Variants in DCTN4 observed in about 807,000 individuals in gnomAD.
DCTN4 encodes dynactin 4 (p62).
A neutral mutation model predicts 62.7 loss-of-function variants in DCTN4; 23 were observed. The ratio of observed to expected loss-of-function variants is 0.37; its 90% CI spans 0.26 to 0.52. DCTN4 has a LOEUF of 0.52. DCTN4 is among the 20% of genes least tolerant of loss of function. The probability of loss-of-function intolerance (pLI) is 0.92; values close to 1 mark genes in which losing one functional copy is unlikely to be tolerated. For synonymous variants in DCTN4, 199 were observed against 202.1 expected (o/e 0.98, Z 0.13); for missense variants, 514 against 580.4 (o/e 0.89, Z 1.18).
Position 150,758,625 on chromosome 5 carries a change from T to C in DCTN4, c.135+234A>G, listed in dbSNP as rs1046659807. On this transcript the variant is annotated intron_variant, in intron 1 of 12. Coordinates refer to ENST00000447998, the MANE Select transcript of DCTN4 (RefSeq NM_016221.4). Reference sequence around the variant, plus strand: ...GACAGACACGGTCCCTAAGTCAAGTTTGTCCAATCAGAGGCCGCTCTAGAA... The same window carrying C: ...GACAGACACGGTCCCTAAGTCAAGTCTGTCCAATCAGAGGCCGCTCTAGAA... 6 of 1,263,410 alleles carry C rather than the reference T, an allele frequency of 4.7e-6. No individual in the cohort carries two copies. The African/African-American group carries it at 6.1e-5, about 13-fold the overall frequency. The allele number at this position is 1,263,410 out of a possible 1,614,324, so 78.3% of individuals were successfully genotyped here. A position where few individuals can be genotyped will look rare whatever the true frequency, so the allele number is the denominator to read the frequency against.
chr5:150,754,380 C>A (rs955592359), intron 2 of DCTN4, among the ~76,000 whole-genome samples: 4 of 152,160 alleles, frequency 2.6e-5, no homozygotes, highest in Non-Finnish European at 5.9e-5. Context: ...ACTCACCTTA[C>A]AAGGAAGCTT....
chr5:150,744,459 A>G (rs200179905), intron 3 of DCTN4, among the ~76,000 whole-genome samples: 4 of 152,038 alleles, frequency 2.6e-5, no homozygotes, highest in Admixed American at 6.6e-5. Flanking sequence ...GATACTCCTC[A>G]AGAAGAGCAA....
rs138887048 is a variant in DCTN4, at chr5:150,711,234, C to T, written c.1298G>A (p.Arg433His). ...HDFKNLAAPI[R>H]PIEESDQGTE... Reference sequence around the variant, plus strand: ...TCCCTGGTCACTTTCTTCAATGGGGCGAATGGGGGCTGCCAGGTTTTTAAA... The same window carrying T: ...TCCCTGGTCACTTTCTTCAATGGGGTGAATGGGGGCTGCCAGGTTTTTAAA... The change falls in exon 13 of 13, where the codon CGC (arginine) becomes CAC (histidine). Residue 433 changes from arginine (R) to histidine (H), a missense_variant. By Grantham distance (29) the Arg-to-His change is conservative. Transcript: ENST00000447998. The T allele has an allele frequency of 2.9e-5, 46 of 1,612,802 alleles. No homozygotes were observed. In the African/African-American group the frequency reaches 3.7e-4, roughly 13 times the overall value.
Position 150,756,402 on chromosome 5 carries a change from C to A in DCTN4, c.206+15G>T. The stretch of plus-strand genomic sequence containing the variant: ...AGGAAAATAGGAAGAAAAAAAAAAT[C>A]AGTCCAGGTCTTACCTATTCTTTTT... On this transcript the variant is annotated intron_variant, in intron 2 of 12. Coordinates refer to ENST00000447998, the MANE Select transcript of DCTN4 (RefSeq NM_016221.4). 1 of 1,540,758 alleles carries A rather than the reference C, an allele frequency of 6.5e-7. No homozygotes were observed. Among genetic ancestry groups the A allele is most frequent in the South Asian group, 1.3e-5 (1 of 79,190 alleles).
intron 3 of DCTN4, among the ~76,000 whole-genome samples, chr5:150,750,095 T>TG (rs1752621293): frequency 6.6e-6 from 1 of 152,046 alleles, no homozygotes; most frequent in Non-Finnish European, 1.5e-5. Context: ...CTGACTGCAA[T>TG]GGGGCATGAG....
intron 3 of DCTN4, among the ~76,000 whole-genome samples, chr5:150,745,775 G>C (rs1760938495): frequency 6.6e-6 from 1 of 151,822 alleles, no homozygotes; most frequent in African/African-American, 2.4e-5. Flanking sequence ...CAGAATCTCT[G>C]GGACACATTC....
At chr5:150,731,807 C>G in intron 5 of DCTN4, 1 of 1,341,032 alleles carries the variant, frequency 7.5e-7, no homozygotes, top group Non-Finnish European at 1.0e-6. Context: ...CTAAGATACA[C>G]AACAGACGTC....
intron 12 of DCTN4, among the ~76,000 whole-genome samples, chr5:150,712,395 G>T (rs1393096238): frequency 6.6e-6 from 1 of 151,880 alleles, no homozygotes; most frequent in Non-Finnish European, 1.5e-5. Flanking sequence ...CTCCCAAAGT[G>T]CTGGGATCAC....
chr5:150,753,131 C>T (rs1752737293), intron 3 of DCTN4, among the ~76,000 whole-genome samples: 1 of 152,228 alleles, frequency 6.6e-6, no homozygotes, highest in African/African-American at 2.4e-5. Context: ...TCCCAAAGTG[C>T]TGGGATTACA....
intron 3 of DCTN4, among the ~76,000 whole-genome samples, chr5:150,746,116 A>C (rs1157042883): frequency 6.6e-6 from 1 of 151,614 alleles, no homozygotes; most frequent in Non-Finnish European, 1.5e-5. Context: ...GGATATCACC[A>C]CCGATCCCAC....
At chr5:150,732,186 G>A (rs570278865) in intron 5 of DCTN4, among the ~76,000 whole-genome samples, 25 of 152,256 alleles carry the variant, frequency 1.6e-4, no homozygotes, top group Non-Finnish European at 2.8e-4. Flanking sequence ...GTCTCACTCC[G>A]TCACCCAGGC....
At chr5:150,755,597 T>C (rs1250450024) in intron 2 of DCTN4, 8 of 456,096 alleles carry the variant, frequency 1.8e-5, no homozygotes, top group Admixed American at 1.6e-4. Flanking sequence ...ATGCAAATCC[T>C]AATGAAATGA....
rs114369350 is a variant in DCTN4 at position 150,737,529 on chromosome 5, A to C, written c.430-4054T>G. Among the ~76,000 whole-genome samples the C allele has an allele frequency of 6.7e-3, 1,018 of 152,334 alleles. 14 individuals carry two copies. The highest frequency in any genetic ancestry group is 0.023 in the African/African-American group (967 of 41,574). ...CCTTCTGAATGATCACTGGGTCAAC[A>C]ATGAAATCAGGATGGAAATTTAAAA... On this transcript the variant is annotated intron_variant, in intron 4 of 12. Transcript: ENST00000447998.
chr5:150,725,632 C>T (rs1048144969), intron 8 of DCTN4, among the ~76,000 whole-genome samples: 4 of 152,000 alleles, frequency 2.6e-5, no homozygotes, highest in African/African-American at 9.7e-5. Context: ...CTAATATATA[C>T]TGTATAGCTA....
rs113119595 is a variant in DCTN4, at chr5:150,708,618, A to G, written c.*2531T>C. 3.3e-5 allele frequency: 5 copies of G among 152,898 alleles called. No individual in the cohort carries two copies. Among genetic ancestry groups the G allele is most frequent in the African/African-American group, 1.2e-4 (5 of 41,574 alleles). The allele number at this position is 152,898 out of a possible 1,614,324, so 9.5% of individuals were successfully genotyped here. On this transcript the variant is annotated 3_prime_UTR_variant, in exon 13 of 13. Transcript: ENST00000447998. Reference sequence around the variant, plus strand: ...CTAACCTGCTAAGAGATTTTAGATTACTTCATTTAAGGAATGGAAGGGAGC... The same window carrying G: ...CTAACCTGCTAAGAGATTTTAGATTGCTTCATTTAAGGAATGGAAGGGAGC...
At chr5:150,754,741 A>C (rs1276029426) in intron 2 of DCTN4, among the ~76,000 whole-genome samples, 1 of 152,198 alleles carries the variant, frequency 6.6e-6, no homozygotes, top group Non-Finnish European at 1.5e-5. Context: ...AAGGCAGGTG[A>C]AGTGCTTGAG....
At chr5:150,745,356 C>G (rs896485388) in intron 3 of DCTN4, among the ~76,000 whole-genome samples, 2 of 151,420 alleles carry the variant, frequency 1.3e-5, no homozygotes, top group African/African-American at 2.4e-5. Context: ...ACTTTAACAC[C>G]CCACTGTCAA....
In DCTN4 at chr5:150,724,815, T is replaced by C. The variant is rs144717786; in HGVS notation, c.835-1835A>G. Reference sequence around the variant, plus strand: ...TACATTTGTACTTTCCCTCCTTTTTTATACAGAAAAAGTGCATACCTACCA... The same window carrying C: ...TACATTTGTACTTTCCCTCCTTTTTCATACAGAAAAAGTGCATACCTACCA... On this transcript the variant is annotated intron_variant, in intron 8 of 12. Coordinates refer to ENST00000447998, the MANE Select transcript of DCTN4 (RefSeq NM_016221.4). 1.8e-4 allele frequency among the ~76,000 whole-genome samples: 27 copies of C among 152,316 alleles called. No individual in the cohort carries two copies. In the East Asian group the frequency reaches 5.0e-3, roughly 28 times the overall value.
intron 3 of DCTN4, among the ~76,000 whole-genome samples, chr5:150,746,174 A>G (rs1348521310): frequency 7.9e-5 from 12 of 152,152 alleles, no homozygotes; most frequent in Non-Finnish European, 1.3e-4. Flanking sequence ...CTCTATGCAA[A>G]TAAACTAGAA....
Sources: gnomAD v4.1 joint callset for allele counts (sites outside exome capture counted in the v4.1 genomes callset) on GRCh38, gnomAD v4.1.1 for gene constraint, MANE v1.5 for transcripts, NCBI Gene and HGNC (gene_info 2026-07-23, HGNC 2026-07-21) for gene names.